ARHGAP15: variants seen among roughly 807,000 people sequenced by gnomAD.
The protein encoded by ARHGAP15 is Rho GTPase activating protein 15, also known as rho GTPase-activating protein 15.
A neutral mutation model predicts 63.7 loss-of-function variants in ARHGAP15; 51 were observed. The observed-to-expected ratio is 0.80, with a 90% CI of 0.64 to 1.01. ARHGAP15 has a LOEUF of 1.01. ARHGAP15 is among the 50% of genes least tolerant of loss of function. The probability of loss-of-function intolerance (pLI) is 0.00; values close to 1 mark genes in which losing one functional copy is unlikely to be tolerated. For synonymous variants in ARHGAP15, 191 were observed against 193.8 expected, an observed-to-expected ratio of 0.99 and a Z score of 0.12; for missense variants, 560 against 564.6, an observed-to-expected ratio of 0.99 and a Z score of 0.08.
chr2:143,763,173 G>A (rs1686821505), intron 13 of ARHGAP15, among the ~76,000 whole-genome samples: 1 of 151,938 alleles, frequency 6.6e-6, no homozygotes, highest in Non-Finnish European at 1.5e-5. Flanking sequence ...AAAAAAATAG[G>A]TAATAATTAG....
intron 13 of ARHGAP15, among the ~76,000 whole-genome samples, chr2:143,751,415 C>A (rs1686368081): frequency 6.6e-6 from 1 of 152,152 alleles, no homozygotes; most frequent in South Asian, 2.1e-4. Context: ...CAAAGAGAGA[C>A]CTGGGTAGCA....
intron 3 of ARHGAP15, among the ~76,000 whole-genome samples, chr2:143,206,164 G>C (rs1471960065): frequency 6.6e-6 from 1 of 152,018 alleles, no homozygotes; most frequent in Admixed American, 6.6e-5. Flanking sequence ...ATGTTCATGT[G>C]TTGTTTTGTG....
intron 13 of ARHGAP15, among the ~76,000 whole-genome samples, chr2:143,742,140 T>C (rs775391524): frequency 5.3e-5 from 8 of 152,182 alleles, no homozygotes; most frequent in Non-Finnish European, 8.8e-5. Flanking sequence ...TGGATCTCCT[T>C]AGGACACACC....
chr2:143,591,785 A>G (rs1365673340), intron 11 of ARHGAP15, among the ~76,000 whole-genome samples: 1 of 151,410 alleles, frequency 6.6e-6, no homozygotes, highest in African/African-American at 2.4e-5. Context: ...ATGCCTGGCT[A>G]ATTTTTGTAT....
At chr2:143,701,460 G>A (rs866912973) in intron 12 of ARHGAP15, among the ~76,000 whole-genome samples, 12 of 152,162 alleles carry the variant, frequency 7.9e-5, no homozygotes, top group African/African-American at 2.7e-4. Flanking sequence ...TGGGCCAGGC[G>A]TGGTGGCTTA....
chr2:143,423,429 A>T (rs1689013596), intron 6 of ARHGAP15, among the ~76,000 whole-genome samples: 1 of 152,114 alleles, frequency 6.6e-6, no homozygotes, highest in African/African-American at 2.4e-5. Context: ...CATTCATTCT[A>T]TACCCCTTTA....
At chr2:143,680,673 C>T (rs1001473619) in intron 12 of ARHGAP15, among the ~76,000 whole-genome samples, 1 of 152,208 alleles carries the variant, frequency 6.6e-6, no homozygotes, top group Non-Finnish European at 1.5e-5. Context: ...GGTGGTTTCA[C>T]CAGAGAGACA....
At chr2:143,231,088 T>TTTTTTTTTTTTTA (rs1553451680) in intron 5 of ARHGAP15, among the ~76,000 whole-genome samples, 3 of 150,494 alleles carry the variant, frequency 2.0e-5, no homozygotes, top group South Asian at 2.1e-4. Flanking sequence ...TTTTTTTTTT[T>TTTTTTTTTTTTTA]ACCACTCATT....
At chr2:143,253,670 A>G (rs1468244879) in intron 6 of ARHGAP15, among the ~76,000 whole-genome samples, 5 of 151,100 alleles carry the variant, frequency 3.3e-5, no homozygotes, top group Non-Finnish European at 3.0e-5. Context: ...AAAGAATTCT[A>G]TAATAAAGTA....
Position 143,439,347 on chromosome 2 carries a change from C to T in ARHGAP15, c.703+2305C>T, listed in dbSNP as rs549186501. ...CTGAGGCACAAGAATTGCTTCAACC[C>T]GGGAGGCGGAAGTTGCAGTGAGCTA... On this transcript the variant is annotated intron_variant, in intron 8 of 13. Transcript: ENST00000295095. Among the ~76,000 whole-genome samples the T allele has an allele frequency of 1.4e-4, 19 of 136,038 alleles. No homozygotes were observed. In the South Asian group the frequency reaches 4.4e-3, roughly 31 times the overall value. 89.2% of individuals were successfully genotyped at this position (136,038 alleles called of 152,430 possible). A position where few individuals can be genotyped will look rare whatever the true frequency, so the allele number is the denominator to read the frequency against.
At chr2:143,454,320 C>A (rs1342430429) in intron 8 of ARHGAP15, among the ~76,000 whole-genome samples, 2 of 151,942 alleles carry the variant, frequency 1.3e-5, no homozygotes, top group Admixed American at 1.3e-4. Flanking sequence ...CATACAGATA[C>A]CTTTACTCTT....
At chr2:143,263,936 T>G (rs2105026337) in intron 6 of ARHGAP15, among the ~76,000 whole-genome samples, 1 of 129,350 alleles carries the variant, frequency 7.7e-6, no homozygotes, top group East Asian at 2.1e-4. Context: ...TTTTTTTTTT[T>G]TTTTTTTGTG....
At chr2:143,367,562 C>A (rs757441527) in intron 6 of ARHGAP15, among the ~76,000 whole-genome samples, 1 of 151,942 alleles carries the variant, frequency 6.6e-6, no homozygotes, top group African/African-American at 2.4e-5. Flanking sequence ...GCATTCATTG[C>A]CTTTGGGCAT....
At chr2:143,465,334 C>T (rs1041287018) in intron 8 of ARHGAP15, among the ~76,000 whole-genome samples, 19 of 152,140 alleles carry the variant, frequency 1.2e-4, no homozygotes, top group African/African-American at 4.3e-4. Flanking sequence ...TATAGCTGGA[C>T]CTGAATGCTA....
intron 6 of ARHGAP15, among the ~76,000 whole-genome samples, chr2:143,292,292 C>CT (rs976687470): frequency 2.4e-4 from 37 of 151,852 alleles, no homozygotes; most frequent in African/African-American, 8.2e-4. Flanking sequence ...AGTGTTGCTG[C>CT]TTTTTTTTAG....
intron 9 of ARHGAP15, among the ~76,000 whole-genome samples, chr2:143,501,199 G>C (rs555393459): frequency 2.7e-3 from 410 of 152,280 alleles, no homozygotes; most frequent in African/African-American, 9.4e-3. Flanking sequence ...AAAAACCATT[G>C]CTCCCTTGGA....
intron 13 of ARHGAP15, among the ~76,000 whole-genome samples, chr2:143,710,380 A>G (rs767831915): frequency 1.3e-5 from 2 of 152,120 alleles, no homozygotes; most frequent in East Asian, 1.9e-4. Flanking sequence ...GGGTGAAGCA[A>G]TAGTTCCCAA....
Position 143,422,540 on chromosome 2 carries a change from G to A in ARHGAP15, c.475-13061G>A, listed in dbSNP as rs1301285945. Among the ~76,000 whole-genome samples the A allele has an allele frequency of 3.3e-5, 5 of 152,146 alleles. No individual in the cohort carries two copies. The East Asian group carries it at 7.7e-4, about 23-fold the overall frequency. On this transcript the variant is annotated intron_variant, in intron 6 of 13. Transcript: ENST00000295095. ...AAGATAACAAAATTCAGTTCAGGCTGTTAGGGTGTGAGTTCCAACCAGAAA... is the reference window on the plus strand; with the variant it reads ...AAGATAACAAAATTCAGTTCAGGCTATTAGGGTGTGAGTTCCAACCAGAAA...
chr2:143,132,203 T>C (rs1292903953), intron 1 of ARHGAP15, among the ~76,000 whole-genome samples: 1 of 152,230 alleles, frequency 6.6e-6, no homozygotes, highest in African/African-American at 2.4e-5. Context: ...CTTGTAAGTA[T>C]TCTAAATTTG....
Sources: gnomAD v4.1 joint callset for allele counts (sites outside exome capture counted in the v4.1 genomes callset) on GRCh38, gnomAD v4.1.1 for gene constraint, MANE v1.5 for transcripts, NCBI Gene and HGNC (gene_info 2026-07-23, HGNC 2026-07-21) for gene names.